The following KCTD3 variants were observed in gnomAD, a reference collection of about 807,000 sequenced individuals.
KCTD3 encodes the protein potassium channel tetramerization domain containing 3, also known as BTB/POZ domain-containing protein KCTD3.
In KCTD3, 41 loss-of-function variants were observed where a neutral mutation model predicts 85.8. That is an observed-to-expected ratio of 0.48 (90% CI 0.37 to 0.62). KCTD3 has a LOEUF of 0.62. Ranked by LOEUF, KCTD3 falls within the 20% of genes least tolerant of loss-of-function variation. KCTD3 has a pLI of 0.00. For missense variants in KCTD3, 724 were observed against 989.9 expected (o/e 0.73, Z 3.60); for synonymous variants, 338 against 345.4 (o/e 0.98, Z 0.24).
chr1:215,595,676 T>A (rs1414294503), intron 10 of KCTD3, among the ~76,000 whole-genome samples: 1 of 152,218 alleles, frequency 6.6e-6, no homozygotes, highest in East Asian at 1.9e-4. Context: ...GTGAGTTTTT[T>A]AAACTGTGGT....
chr1:215,610,593 T>C (rs1337544156), intron 14 of KCTD3, among the ~76,000 whole-genome samples: 2 of 152,018 alleles, frequency 1.3e-5, no homozygotes, highest in Non-Finnish European at 2.9e-5. Context: ...TTTGACTTTG[T>C]TTATGAGTTA....
At chr1:215,611,765 G>C in intron 14 of KCTD3, 60 bp from the exon 15 acceptor site, 1 of 1,129,548 alleles carries the variant, frequency 8.9e-7, no homozygotes. Flanking sequence ...TGTTCCTTTT[G>C]TAAAATGAGA....
intron 12 of KCTD3, among the ~76,000 whole-genome samples, chr1:215,603,128 C>A (rs1038769994): frequency 3.3e-5 from 5 of 152,088 alleles, no homozygotes; most frequent in Non-Finnish European, 5.9e-5. Context: ...GTACCAACCC[C>A]TGCTCTAGAA....
chr1:215,581,727 A>G (rs1659832146), intron 8 of KCTD3, among the ~76,000 whole-genome samples: 1 of 152,254 alleles, frequency 6.6e-6, no homozygotes, highest in Non-Finnish European at 1.5e-5. Flanking sequence ...TTTCAGAGCA[A>G]TATACTCATG....
intron 10 of KCTD3, among the ~76,000 whole-genome samples, chr1:215,597,313 C>T (rs762786354): frequency 5.3e-5 from 8 of 151,242 alleles, no homozygotes; most frequent in South Asian, 2.1e-4. Context: ...CACAGAATTA[C>T]GTTACAAAAG....
chr1:215,586,575 C>A lies in KCTD3; in HGVS notation c.707C>A (p.Ala236Glu). 1 of 1,613,990 alleles carries A rather than the reference C, an allele frequency of 6.2e-7. No individual in the cohort carries two copies. Residue 236 changes from alanine (A) to glutamate (E), a missense_variant, in exon 9 of 18, where the codon GCA becomes GAA. Ala to Glu is a moderately radical substitution (Grantham distance 107). Around this residue, in one of 6 missense-constraint regions of KCTD3, gnomAD observed 146 missense variants for 320.3 expected, o/e 0.46. Transcript: ENST00000259154. ...ACTATCGAACGAGTAGCTTTAAATG[C>A]AAAGGTGGTTGGAGGGCCACATGGA... ...DWTIERVALNAKVVGGPHGDK... is the reference protein window; with the variant it reads ...DWTIERVALNEKVVGGPHGDK...
rs546481083 is a variant in KCTD3 at position 215,579,525 on chromosome 1, G to T, written c.536-384G>T. ...TTTTTTTTTTTTTTTTTGAGACGGA[G>T]TCTCGCTCTGTCGCTCAGGCTGGAG... On this transcript the variant is annotated intron_variant, in intron 7 of 17. Coordinates refer to ENST00000259154, the MANE Select transcript of KCTD3 (RefSeq NM_016121.5). Among the ~76,000 whole-genome samples, 3 of 150,326 alleles carry T rather than the reference G, an allele frequency of 2.0e-5. No individual in the cohort carries two copies. The East Asian group carries it at 5.9e-4, about 29-fold the overall frequency.
At chr1:215,611,795 A>G (rs777149420) in intron 14 of KCTD3, 30 bp from the exon 15 acceptor site, 41 of 1,402,980 alleles carry the variant, frequency 2.9e-5, no homozygotes, top group Non-Finnish European at 4.0e-5. Flanking sequence ...ATTTTAATTA[A>G]TTTTTTGACA....
chr1:215,619,409 T>C, intron 17 of KCTD3, 118 bp downstream of exon 17: 4 of 852,282 alleles, frequency 4.7e-6, no homozygotes, highest in Non-Finnish European at 5.3e-6. Flanking sequence ...CATTTTAAAT[T>C]CAGACATTAT....
intron 10 of KCTD3, among the ~76,000 whole-genome samples, chr1:215,596,854 T>C (rs1364363309): frequency 1.3e-5 from 2 of 152,154 alleles, no homozygotes; most frequent in African/African-American, 2.4e-5. Flanking sequence ...ACCTGAAGAC[T>C]GAAAGAATGG....
rs1176421533 is a variant in KCTD3, at chr1:215,608,169, A to G, written c.1462A>G (p.Ile488Val). The G allele has an allele frequency of 1.9e-6, 3 of 1,608,234 alleles. No individual in the cohort carries two copies. Among genetic ancestry groups the G allele is most frequent in the African/African-American group, 1.3e-5 (1 of 74,712 alleles). Residue 488 changes from isoleucine (I) to valine (V), a missense_variant, in exon 14 of 18, where the codon ATA becomes GTA. Ile to Val is a conservative substitution (Grantham distance 29). Around this residue, in one of 6 missense-constraint regions of KCTD3, gnomAD observed 136 missense variants for 197.6 expected, o/e 0.69. Transcript: ENST00000259154. ...SHGSYSSGNDIGPFGERDDQQ... is the reference protein window; with the variant it reads ...SHGSYSSGNDVGPFGERDDQQ... ...TGGTAGCTATTCCTCTGGAAATGAC[A>G]TAGGTGGGTTAGGTTATTTTAGGGC...
At chr1:215,584,483 C>G (rs1659939118) in intron 8 of KCTD3, among the ~76,000 whole-genome samples, 1 of 152,146 alleles carries the variant, frequency 6.6e-6, no homozygotes, top group Non-Finnish European at 1.5e-5. Flanking sequence ...AAGCCTTGAG[C>G]CTTGCCATGG....
At position 215,620,804 on chromosome 1, in the gene KCTD3, A is replaced by C; in HGVS notation, c.*186A>C. 2.0e-6 allele frequency: 1 copy of C among 508,706 alleles called. No homozygotes were observed. Among genetic ancestry groups the C allele is most frequent in the East Asian group, 3.1e-5 (1 of 31,868 alleles). The allele number at this position is 508,706 out of a possible 1,614,324, so 31.5% of individuals were successfully genotyped here. A position where few individuals can be genotyped will look rare whatever the true frequency, so the allele number is the denominator to read the frequency against. The stretch of plus-strand genomic sequence containing the variant: ...TCATATCTCTTTTGACATTTTGGAA[A>C]TTTTTTTAATTTTACAAGTACATTT... On this transcript the variant is annotated 3_prime_UTR_variant, in exon 18 of 18. Transcript: ENST00000259154.
At chr1:215,593,603 T>C (rs914864347) in intron 9 of KCTD3, among the ~76,000 whole-genome samples, 6 of 152,210 alleles carry the variant, frequency 3.9e-5, no homozygotes, top group African/African-American at 1.4e-4. Flanking sequence ...TGCATTTAGT[T>C]GCTTTGTTTT....
chr1:215,615,780 A>G (rs1014905352), intron 15 of KCTD3, among the ~76,000 whole-genome samples: 10 of 152,212 alleles, frequency 6.6e-5, no homozygotes, highest in African/African-American at 2.4e-4. Flanking sequence ...ATATGACACG[A>G]GAGCCTTCAG....
chr1:215,613,859 G>A (rs924150092), intron 15 of KCTD3, among the ~76,000 whole-genome samples: 1 of 151,804 alleles, frequency 6.6e-6, no homozygotes, highest in Admixed American at 6.6e-5. Flanking sequence ...TGGTCTATGT[G>A]TTTGTTTTTG....
intron 2 of KCTD3, 84 bp downstream of exon 2, chr1:215,573,923 A>T (rs556526845): frequency 3.7e-4 from 389 of 1,064,758 alleles, no homozygotes; most frequent in Non-Finnish European, 4.4e-4. Context: ...ATTTTTTTTA[A>T]TAAAAAAGGT....
At chr1:215,569,333 A>G (rs1365752136) in intron 1 of KCTD3, among the ~76,000 whole-genome samples, 1 of 151,788 alleles carries the variant, frequency 6.6e-6, no homozygotes, top group Non-Finnish European at 1.5e-5. Flanking sequence ...GTTGACCAGG[A>G]TGGTCTTGAT....
In KCTD3 at chr1:215,580,125, C is replaced by T. The variant is rs532616941; in HGVS notation, c.626+126C>T. On this transcript the variant is annotated intron_variant, in intron 8 of 17. Coordinates refer to ENST00000259154, the MANE Select transcript of KCTD3 (RefSeq NM_016121.5). ...CAAGTTTTTTCCCTGCATATTTTACCCATGTCTGTATCATCTGATTAAGAT... is the reference window on the plus strand; with the variant it reads ...CAAGTTTTTTCCCTGCATATTTTACTCATGTCTGTATCATCTGATTAAGAT... 1.8e-5 allele frequency: 11 copies of T among 628,348 alleles called. No homozygotes were observed. The South Asian group carries it at 2.1e-4, about 12-fold the overall frequency. 38.9% of individuals were successfully genotyped at this position (628,348 alleles called of 1,614,324 possible).
Sources: gnomAD v4.1 joint callset for allele counts (sites outside exome capture counted in the v4.1 genomes callset) on GRCh38, gnomAD v4.1.1 for gene constraint, gnomAD v4.1.1 regional missense constraint, MANE v1.5 for transcripts, NCBI Gene and HGNC (gene_info 2026-07-23, HGNC 2026-07-21) for gene names.